The following OTOG variants were observed in gnomAD, a reference collection of about 807,000 sequenced individuals.
The protein encoded by OTOG is otogelin.
Under a neutral mutation model 313.8 loss-of-function variants are expected in OTOG, and 296 were observed. That is an observed-to-expected ratio of 0.94 (90% CI 0.86 to 1.04). The LOEUF (loss-of-function observed/expected upper bound fraction) is 1.04, where lower values mean the gene tolerates loss of function less well. Ranked by LOEUF, OTOG falls within the 50% of genes least tolerant of loss-of-function variation. The probability of loss-of-function intolerance (pLI) is 0.00; values close to 1 mark genes in which losing one functional copy is unlikely to be tolerated. For synonymous variants in OTOG, 1,533 were observed against 1,554.9 expected (o/e 0.99, Z 0.33); for missense variants, 3,948 against 3,840.1 (o/e 1.03, Z -0.74).
intron 39 of OTOG, among the ~76,000 whole-genome samples, chr11:17,618,987 C>A (rs1853798844): frequency 3.3e-5 from 5 of 152,124 alleles, no homozygotes; most frequent in Admixed American, 3.3e-4. Context: ...GGATTTTTGG[C>A]CGGCATGTAG....
chr11:17,598,915 G>C (rs1853177838), intron 30 of OTOG, among the ~76,000 whole-genome samples: 1 of 152,204 alleles, frequency 6.6e-6, no homozygotes, highest in Non-Finnish European at 1.5e-5. Flanking sequence ...TTGACCTTGT[G>C]GTCTGGGGTG....
At position 17,594,062 on chromosome 11, in the gene OTOG, C is replaced by T. The variant is rs1180562579; in HGVS notation, c.3304C>T (p.Leu1102Phe). 1.6e-5 allele frequency: 25 copies of T among 1,550,456 alleles called. No individual in the cohort carries two copies. The highest frequency in any genetic ancestry group is 2.0e-5 in the Admixed American group (1 of 50,988). Residue 1102 changes from leucine (L) to phenylalanine (F), a missense_variant, in exon 28 of 56, where the codon CTC becomes TTC. By Grantham distance (22) the Leu-to-Phe change is conservative. Coordinates refer to ENST00000399397, the MANE Select transcript of OTOG (RefSeq NM_001292063.2). ...CTCCTTTCAGGGCCAGCTGGCGGGC[C>T]TCTGTGGGAACTTTGACTTAAAAAC... ...GPQWQGQLAG[L>F]CGNFDLKTIN...
chr11:17,618,757 G>A (rs1002466656), intron 39 of OTOG, among the ~76,000 whole-genome samples: 1 of 152,120 alleles, frequency 6.6e-6, no homozygotes, highest in Admixed American at 6.5e-5. Context: ...ATGCAGGATT[G>A]TTATGTCCTT....
Position 17,593,646 on chromosome 11 carries a change from C to T in OTOG, c.3178C>T (p.His1060Tyr), listed in dbSNP as rs187751015. 224 of 1,549,144 alleles carry T rather than the reference C, an allele frequency of 1.4e-4. No individual in the cohort carries two copies. The East Asian group carries it at 4.6e-3, about 32-fold the overall frequency. ...ESFLDDKQEV[H>Y]TWRVGFFTLV... ...CTTCCTGGATGACAAGCAGGAGGTC[C>T]ACACATGGCGAGTGGGATTTTTCAC... Residue 1060 changes from histidine to tyrosine, a missense_variant, in exon 27 of 56, where the codon CAC (histidine) becomes TAC (tyrosine). Transcript: ENST00000399397.
At chr11:17,565,072 G>A (rs975386544) in intron 15 of OTOG, among the ~76,000 whole-genome samples, 10 of 152,100 alleles carry the variant, frequency 6.6e-5, no homozygotes, top group Non-Finnish European at 1.2e-4. Flanking sequence ...ATAATGAACC[G>A]ATGTTAATAG....
intron 27 of OTOG, 109 bp from the exon 28 acceptor site, chr11:17,593,938 G>A: frequency 1.4e-6 from 2 of 1,454,358 alleles, no homozygotes; most frequent in Admixed American, 2.1e-5. Context: ...TGTGACCTCA[G>A]CAGTGGCTTC....
chr11:17,572,226 A>G (rs1190542201), intron 18 of OTOG, 22 bp downstream of exon 18: 2 of 1,549,806 alleles, frequency 1.3e-6, no homozygotes, highest in East Asian at 4.9e-5. Context: ...GGGGAAGAGG[A>G]GAGGCATGGT....
In OTOG at chr11:17,602,367, C is replaced by CAAGGCCCATGGT; in HGVS notation, c.3877_3877+11dup. 11 of 1,550,120 alleles carry CAAGGCCCATGGT rather than the reference C, an allele frequency of 7.1e-6. No homozygotes were observed. Among genetic ancestry groups the CAAGGCCCATGGT allele is most frequent in the Non-Finnish European group, 9.6e-6 (11 of 1,146,726 alleles). On this transcript the variant is annotated inframe_insertion, in exon 32 of 56. Coordinates refer to ENST00000399397, the MANE Select transcript of OTOG (RefSeq NM_001292063.2). ...TGCTGACAGCTGCTCTGTACAAGGC[C>CAAGGCCCATGGT]AAGGCCCATGGTAAGGCCCATCCCA...
intron 14 of OTOG, 24 bp from the exon 15 acceptor site, chr11:17,561,638 C>A: frequency 6.4e-7 from 1 of 1,550,460 alleles, no homozygotes; most frequent in South Asian, 1.2e-5. Context: ...TCCCATGGGT[C>A]AGTGGCCTTT....
intron 15 of OTOG, among the ~76,000 whole-genome samples, chr11:17,564,617 C>T (rs142774503): frequency 2.3e-3 from 355 of 152,302 alleles, no homozygotes; most frequent in African/African-American, 8.0e-3. Flanking sequence ...GCTGCGACTG[C>T]ACTCCTGGGT....
chr11:17,634,874 C>A lies in OTOG; in HGVS notation c.7511C>A (p.Ala2504Asp). Residue 2504 changes from alanine to aspartate, a missense_variant, in exon 45 of 56, where the codon GCC becomes GAC. Transcript: ENST00000399397. ...AACCAGACTCTGTGTGAGGGTCTCG[C>A]CCCCACATGCCGCCCAGGCCACCGC... ...VCNQTLCEGL[A>D]PTCRPGHRLL... The A allele has an allele frequency of 6.5e-7, 1 of 1,549,556 alleles. No homozygotes were observed. The highest frequency in any genetic ancestry group is 1.4e-5 in the African/African-American group (1 of 73,064).
intron 16 of OTOG, 146 bp downstream of exon 16, chr11:17,569,434 G>T (rs1056299551): frequency 8.7e-7 from 1 of 1,154,908 alleles, no homozygotes; most frequent in Non-Finnish European, 1.2e-6. Flanking sequence ...CACTTTGGTT[G>T]CAAAAATGTG....
intron 15 of OTOG, among the ~76,000 whole-genome samples, chr11:17,567,814 A>G (rs1852319169): frequency 6.6e-6 from 1 of 152,354 alleles, no homozygotes; most frequent in South Asian, 2.1e-4. Context: ...GCTTCCATGC[A>G]TCCTTCAGAT....
At chr11:17,572,962 G>T in intron 18 of OTOG, 116 bp from the exon 19 acceptor site, 6 of 991,064 alleles carry the variant, frequency 6.1e-6, no homozygotes, top group Non-Finnish European at 7.3e-6. Flanking sequence ...GCCTACATCC[G>T]TACAGCGTGT....
At chr11:17,601,596 G>A (rs943198226) in intron 31 of OTOG, among the ~76,000 whole-genome samples, 1 of 146,160 alleles carries the variant, frequency 6.8e-6, no homozygotes, top group African/African-American at 2.5e-5. Flanking sequence ...TCCCACCAGG[G>A]GGCGTGGCTG....
chr11:17,565,288 T>C (rs183457590), intron 15 of OTOG, among the ~76,000 whole-genome samples: 69 of 152,334 alleles, frequency 4.5e-4, no homozygotes, highest in Admixed American at 1.6e-3. Flanking sequence ...AATGCCTCTC[T>C]ATTGGAATTT....
Position 17,640,798 on chromosome 11 carries a change from T to G in OTOG, c.7989T>G (p.Cys2663Trp). ...EEFMHSVENVCGCAKYECVKA... is the reference protein window; with the variant it reads ...EEFMHSVENVWGCAKYECVKA... ...TCATGCACAGCGTGGAGAATGTGTGTGGCTGCGCCAAGTACGAGTGTGGTG... is the reference window on the plus strand; with the variant it reads ...TCATGCACAGCGTGGAGAATGTGTGGGGCTGCGCCAAGTACGAGTGTGGTG... Residue 2663 changes from cysteine (C) to tryptophan (W), a missense_variant, in exon 50 of 56, where the codon TGT becomes TGG. Cys to Trp is a radical substitution (Grantham distance 215). Transcript: ENST00000399397. The G allele has an allele frequency of 6.5e-7, 1 of 1,550,274 alleles. No individual in the cohort carries two copies. Among genetic ancestry groups the G allele is most frequent in the South Asian group, 1.2e-5 (1 of 84,060 alleles).
At chr11:17,568,009 G>T (rs563042420) in intron 15 of OTOG, among the ~76,000 whole-genome samples, 3 of 152,084 alleles carry the variant, frequency 2.0e-5, no homozygotes, top group Non-Finnish European at 4.4e-5. Context: ...CCGGGTTCAC[G>T]CCATTCTCCT....
chr11:17,560,938 C>A, intron 13 of OTOG, 121 bp downstream of exon 13: 1 of 1,176,398 alleles, frequency 8.5e-7, no homozygotes, highest in Non-Finnish European at 1.2e-6. Context: ...CCTTTGAGTC[C>A]CAGGGGAGTC....
Sources: allele counts gnomAD v4.1 joint callset (sites outside exome capture counted in the v4.1 genomes callset), GRCh38; gene constraint gnomAD v4.1.1; transcripts MANE v1.5; gene names NCBI Gene and HGNC (gene_info 2026-07-23, HGNC 2026-07-21).